Variants in KIAA1217 observed in about 807,000 individuals in gnomAD.
KIAA1217 encodes the protein KIAA1217.
KIAA1217 carries 88 observed loss-of-function variants against 163.9 expected under a neutral mutation model. That is an observed-to-expected ratio of 0.54 (90% CI 0.45 to 0.64). KIAA1217 has a LOEUF of 0.64. Ranked by LOEUF, KIAA1217 falls within the 30% of genes least tolerant of loss-of-function variation. The pLI, the probability that KIAA1217 is intolerant of heterozygous loss-of-function variation, is 0.00. For missense variants in KIAA1217, 2,372 were observed against 2,475.0 expected (o/e 0.96, Z 0.88); for synonymous variants, 903 against 923.1 (o/e 0.98, Z 0.39).
At position 24,269,763 on chromosome 10, in the gene KIAA1217, C is replaced by G. The variant is rs1414158874; in HGVS notation, c.354+49854C>G. Among the ~76,000 whole-genome samples the G allele has an allele frequency of 2.0e-5, 3 of 152,128 alleles. No homozygotes were observed. The East Asian group carries it at 5.8e-4, about 29-fold the overall frequency. ...ACAGGTTTGGTTAACTCAAGAAGTT[C>G]TAGGAAATGTTCAAACACTGCAGAT... On this transcript the variant is annotated intron_variant, in intron 2 of 20. Transcript: ENST00000376454.
At chr10:24,541,660 A>AT (rs539421765) in intron 17 of KIAA1217, among the ~76,000 whole-genome samples, 111 of 152,268 alleles carry the variant, frequency 7.3e-4, no homozygotes, top group Non-Finnish European at 1.4e-3. Context: ...TGTTAGTGTT[A>AT]TGTCAGGGCC....
chr10:24,066,468 GC>G (rs1226270410), intron 2 of KIAA1217, among the ~76,000 whole-genome samples: 3 of 152,056 alleles, frequency 2.0e-5, no homozygotes, highest in African/African-American at 4.8e-5. Flanking sequence ...TTGAATATTG[GC>G]CCCCACTCCC....
intron 2 of KIAA1217, among the ~76,000 whole-genome samples, chr10:24,341,961 G>A (rs868107517): frequency 5.3e-5 from 8 of 152,200 alleles, no homozygotes; most frequent in Non-Finnish European, 1.2e-4. Flanking sequence ...TGAAAAGAGT[G>A]TTGATATACA....
chr10:24,433,299 A>T, intron 4 of KIAA1217, 106 bp downstream of exon 4: 1 of 782,054 alleles, frequency 1.3e-6, no homozygotes, highest in Non-Finnish European at 2.0e-6. Context: ...TATTGCATTT[A>T]GAGTGTTTTT....
chr10:24,435,723 G>C (rs967243214), intron 4 of KIAA1217, among the ~76,000 whole-genome samples: 3 of 152,148 alleles, frequency 2.0e-5, no homozygotes, highest in African/African-American at 7.2e-5. Flanking sequence ...AAAGAAATGA[G>C]AGGGAGGAAA....
At chr10:24,378,303 T>A (rs950483970) in intron 2 of KIAA1217, among the ~76,000 whole-genome samples, 6 of 152,162 alleles carry the variant, frequency 3.9e-5, no homozygotes, top group Non-Finnish European at 1.5e-5. Flanking sequence ...TTGATCCAGC[T>A]AAGATCAGGT....
chr10:24,034,136 A>G (rs1336221497), intron 2 of KIAA1217, among the ~76,000 whole-genome samples: 1 of 152,250 alleles, frequency 6.6e-6, no homozygotes, highest in Non-Finnish European at 1.5e-5. Context: ...GATTGTTGGA[A>G]GAACCCTGTA....
chr10:23,904,266 G>C (rs759504908), intron 1 of KIAA1217, among the ~76,000 whole-genome samples: 3 of 152,122 alleles, frequency 2.0e-5, no homozygotes, highest in Admixed American at 6.6e-5. Flanking sequence ...ATTGATGATG[G>C]CAATGAAATG....
In KIAA1217 at chr10:23,704,192, A is replaced by G. The variant is rs1377395670; in HGVS notation, c.-321+8958A>G. ...TGTGTGTATATATATATATATATAT[A>G]TATATATATATATATATATAGTGAG... On this transcript the variant is annotated intron_variant, in intron 1 of 18. Transcript: ENST00000376462. 4.5e-4 allele frequency among the ~76,000 whole-genome samples: 55 copies of G among 123,316 alleles called. 3 individuals carry two copies. Among genetic ancestry groups the G allele is most frequent in the Middle Eastern group, 3.9e-3 (1 of 254 alleles). 80.9% of individuals were successfully genotyped at this position (123,316 alleles called of 152,430 possible). A position where few individuals can be genotyped will look rare whatever the true frequency, so the allele number is the denominator to read the frequency against.
chr10:24,354,738 C>CTCTGCTCT (rs2048868230), intron 2 of KIAA1217, among the ~76,000 whole-genome samples: 2 of 149,396 alleles, frequency 1.3e-5, no homozygotes, highest in Non-Finnish European at 3.0e-5. Context: ...CTCTTCTCTC[C>CTCTGCTCT]TCTGCTCCTC....
In KIAA1217 at chr10:24,137,759, T is replaced by C. The variant is rs141112169; in HGVS notation, c.-170-81867T>C. On this transcript the variant is annotated intron_variant, in intron 2 of 18. Coordinates refer to the KIAA1217 transcript ENST00000376462. ...AATATCCTATTCATTCTAAAAAGTA[T>C]GAAGTGCTAATGCTTAGGTATCTGT... is the stretch of plus-strand genomic sequence containing the variant. Among the ~76,000 whole-genome samples, 164 of 152,330 alleles carry C rather than the reference T, an allele frequency of 1.1e-3. 1 individual carries two copies. Among genetic ancestry groups the C allele is most frequent in the African/African-American group, 3.7e-3 (152 of 41,578 alleles).
At chr10:24,499,681 A>G (rs1197313165) in intron 8 of KIAA1217, among the ~76,000 whole-genome samples, 1 of 151,896 alleles carries the variant, frequency 6.6e-6, no homozygotes, top group Non-Finnish European at 1.5e-5. Flanking sequence ...GCAGTGAGCC[A>G]AGATCATGCC....
chr10:24,545,709 GTGTT>G, intron 20 of KIAA1217, 114 bp from the exon 21 acceptor site: 1 of 1,500,054 alleles, frequency 6.7e-7, no homozygotes, highest in Non-Finnish European at 8.9e-7. Context: ...GCCTTGAACT[GTGTT>G]TGGTTGGTTT....
At chr10:23,715,835 A>G (rs1245059254) in intron 1 of KIAA1217, among the ~76,000 whole-genome samples, 3 of 152,192 alleles carry the variant, frequency 2.0e-5, no homozygotes, top group Non-Finnish European at 2.9e-5. Context: ...CTTTTACAAC[A>G]TTTTATTTAA....
intron 1 of KIAA1217, among the ~76,000 whole-genome samples, chr10:23,948,389 AT>A (rs1589129288): frequency 6.6e-6 from 1 of 152,216 alleles, no homozygotes; most frequent in African/African-American, 2.4e-5. Context: ...AGGGTTTCAA[AT>A]TTAGGTTAGA....
At chr10:24,101,532 A>G (rs1459131178) in intron 2 of KIAA1217, among the ~76,000 whole-genome samples, 1 of 152,108 alleles carries the variant, frequency 6.6e-6, no homozygotes, top group Non-Finnish European at 1.5e-5. Flanking sequence ...TGCTGTTTTC[A>G]TTTATTCATA....
At chr10:23,845,177 G>A (rs911600903) in intron 1 of KIAA1217, among the ~76,000 whole-genome samples, 25 of 152,146 alleles carry the variant, frequency 1.6e-4, no homozygotes, top group Non-Finnish European at 1.5e-5. Context: ...TTGCTATTGT[G>A]AACAGTGCTG....
intron 2 of KIAA1217, among the ~76,000 whole-genome samples, chr10:24,085,626 A>C (rs2061673114): frequency 6.6e-6 from 1 of 151,956 alleles, no homozygotes. Flanking sequence ...AATATCTATC[A>C]GCCTCTTCAC....
intron 2 of KIAA1217, among the ~76,000 whole-genome samples, chr10:24,087,948 TAGAGC>T (rs2061763159): frequency 1.4e-5 from 1 of 72,342 alleles, no homozygotes; most frequent in Non-Finnish European, 5.4e-5. Flanking sequence ...GAAAAGTAAA[TAGAGC>T]AGGGCATCTA....
Sources: allele counts gnomAD v4.1 joint callset (sites outside exome capture counted in the v4.1 genomes callset), GRCh38; gene constraint gnomAD v4.1.1; transcripts MANE v1.5; gene names NCBI Gene and HGNC (gene_info 2026-07-23, HGNC 2026-07-21).